Variants in CACNA1I observed in about 807,000 individuals in gnomAD.
CACNA1I encodes calcium voltage-gated channel subunit alpha1 I.
In CACNA1I, 74 loss-of-function variants were observed where a neutral mutation model predicts 201.6. That is an observed-to-expected ratio of 0.37 (90% CI 0.30 to 0.45). The LOEUF is 0.45. CACNA1I is among the 20% of genes least tolerant of loss of function. CACNA1I has a pLI of 1.00. For synonymous variants in CACNA1I, 1,431 were observed against 1,345.2 expected (o/e 1.06, Z -1.40); for missense variants, 2,346 against 3,138.1 (o/e 0.75, Z 6.03).
At chr22:39,664,053 G>C (rs1197438719) in intron 19 of CACNA1I, 38 bp from the exon 20 acceptor site, 2 of 1,602,618 alleles carry the variant, frequency 1.2e-6, no homozygotes, top group Admixed American at 1.7e-5. Context: ...GGCAGCTCTG[G>C]GAGCCCCTGA....
intron 1 of CACNA1I, among the ~76,000 whole-genome samples, chr22:39,578,070 C>T (rs888060665): frequency 2.7e-4 from 41 of 150,954 alleles, no homozygotes; most frequent in African/African-American, 7.5e-4. Context: ...CTGCAATGGG[C>T]GGAGACGCCT....
intron 20 of CACNA1I, 111 bp from the exon 21 acceptor site, chr22:39,664,628 C>CCCCCCAACCCA: frequency 6.8e-6 from 3 of 439,974 alleles, no homozygotes; most frequent in Admixed American, 2.9e-5. Context: ...CCCGCCCCCT[C>CCCCCCAACCCA]CCCGAAGCCG....
chr22:39,646,922 T>C, intron 8 of CACNA1I, 41 bp downstream of exon 8: 1 of 1,452,516 alleles, frequency 6.9e-7, no homozygotes. Flanking sequence ...AGGCACTTCG[T>C]GCCAAGTGTC....
Position 39,659,261 on chromosome 22 carries a change from G to A in CACNA1I, c.2330+145G>A. 1 of 1,115,056 alleles carries A rather than the reference G, an allele frequency of 9.0e-7. No individual in the cohort carries two copies. Among genetic ancestry groups the A allele is most frequent in the Non-Finnish European group, 1.3e-6 (1 of 776,456 alleles). The allele number at this position is 1,115,056 out of a possible 1,614,324, so 69.1% of individuals were successfully genotyped here. A position where few individuals can be genotyped will look rare whatever the true frequency, so the allele number is the denominator to read the frequency against. On this transcript the variant is annotated intron_variant, in intron 12 of 36. Transcript: ENST00000402142. The surrounding 1 kb of genome is among the most constrained non-coding windows in gnomAD (Gnocchi z 4.3). ...TGACACTGTTCCTCAGTCCCCTGTG[G>A]CTTTCAGCAAGCATGAACCCCTAAG...
intron 1 of CACNA1I, among the ~76,000 whole-genome samples, chr22:39,594,496 A>G (rs1387880773): frequency 6.6e-6 from 1 of 152,218 alleles, no homozygotes; most frequent in Non-Finnish European, 1.5e-5. Context: ...GCAGCGACTG[A>G]AATTAATTAC....
At chr22:39,581,732 C>T (rs1932555996) in intron 1 of CACNA1I, among the ~76,000 whole-genome samples, 1 of 152,340 alleles carries the variant, frequency 6.6e-6, no homozygotes, top group South Asian at 2.1e-4. Flanking sequence ...CATTGAGAGA[C>T]AAATAGCCTC....
rs1185538572 is a variant in CACNA1I at position 39,640,975 on chromosome 22, C to T, written c.849C>T (p.Ile283=). ...ATGGGATAATGGGCTGCCATGAGAT[C>T]CCCCCGCTCAAGGAGCAGGGCCGTG... is the stretch of plus-strand genomic sequence containing the variant. The part of the protein sequence containing the change: ...GDNGIMGCHE[I]PPLKEQGREC... Residue 283 remains isoleucine, a synonymous_variant, in exon 6 of 37, where the codon ATC becomes ATT. Coordinates refer to ENST00000402142, the MANE Select transcript of CACNA1I (RefSeq NM_021096.4). 4 of 1,613,956 alleles carry T rather than the reference C, an allele frequency of 2.5e-6. No individual in the cohort carries two copies. The highest frequency in any genetic ancestry group is 2.7e-5 in the African/African-American group (2 of 75,064).
At chr22:39,653,133 G>T (rs136842) in intron 10 of CACNA1I, among the ~76,000 whole-genome samples, 3,693 of 89,454 alleles carry the variant, frequency 0.041, 4 homozygotes, top group Middle Eastern at 0.068. Context: ...GGTGCACGGA[G>T]CCCCCCACAC....
chr22:39,574,699 T>C (rs150658740), intron 1 of CACNA1I, among the ~76,000 whole-genome samples: 3 of 152,290 alleles, frequency 2.0e-5, no homozygotes, highest in Non-Finnish European at 4.4e-5. Flanking sequence ...GTGACTACCA[T>C]AAATGACCTT....
chr22:39,619,898 C>A (rs1933676028), intron 4 of CACNA1I, among the ~76,000 whole-genome samples: 1 of 152,098 alleles, frequency 6.6e-6, no homozygotes, highest in Non-Finnish European at 1.5e-5. Flanking sequence ...TGCCTAGCCA[C>A]CGGTTCATCC....
intron 2 of CACNA1I, among the ~76,000 whole-genome samples, chr22:39,599,146 C>T (rs1414120901): frequency 6.8e-6 from 1 of 147,756 alleles, no homozygotes; most frequent in East Asian, 2.1e-4. Flanking sequence ...GACGGGGTTT[C>T]ACCATGTTAG....
chr22:39,597,860 G>A (rs1416163842), intron 1 of CACNA1I, among the ~76,000 whole-genome samples: 1 of 152,186 alleles, frequency 6.6e-6, no homozygotes, highest in Non-Finnish European at 1.5e-5. Flanking sequence ...CCAGGCTTCC[G>A]GGAACCTCTC....
chr22:39,617,232 G>A (rs1055535480), intron 3 of CACNA1I, among the ~76,000 whole-genome samples: 2 of 152,184 alleles, frequency 1.3e-5, no homozygotes, highest in Admixed American at 6.5e-5. Flanking sequence ...TCATGGGGAC[G>A]GGAACAAGTC....
At chr22:39,625,398 A>G (rs1434994627) in intron 4 of CACNA1I, among the ~76,000 whole-genome samples, 1 of 152,224 alleles carries the variant, frequency 6.6e-6, no homozygotes, top group Non-Finnish European at 1.5e-5. Flanking sequence ...GGAAGATGCA[A>G]GTGTGGGTCA....
In CACNA1I at chr22:39,684,154, A is replaced by G; in HGVS notation, c.5831-148A>G. The G allele has an allele frequency of 3.1e-6, 2 of 647,394 alleles. No homozygotes were observed. The highest frequency in any genetic ancestry group is 1.9e-5 in the South Asian group (1 of 52,288). The allele number at this position is 647,394 out of a possible 1,614,324, so 40.1% of individuals were successfully genotyped here. On this transcript the variant is annotated intron_variant, in intron 35 of 36. Transcript: ENST00000402142. This position sits in a 1 kb window ranked among gnomAD's most constrained non-coding sequence, Gnocchi z 4.6. ...ACAATGGGGAAACGAAGGCTTAGAG[A>G]GGGGGGACTTGTCCACAGTCTCACA...
intron 3 of CACNA1I, among the ~76,000 whole-genome samples, chr22:39,617,861 C>T (rs1933592592): frequency 6.9e-6 from 1 of 144,854 alleles, no homozygotes; most frequent in Non-Finnish European, 1.5e-5. Context: ...TGCTCTCTGC[C>T]AGCTCCCCCC....
chr22:39,646,753 T>A lies in CACNA1I; in HGVS notation c.1334T>A (p.Ile445Asn). The change falls in exon 8 of 37, where the codon ATC becomes AAC. Residue 445 changes from isoleucine (I) to asparagine (N), a missense_variant. By Grantham distance (149) the Ile-to-Asn change is moderately radical. This residue lies in a region of CACNA1I where 312 missense variants were observed against 331.5 expected (regional missense o/e 0.94). Coordinates refer to ENST00000402142, the MANE Select transcript of CACNA1I (RefSeq NM_021096.4). ...GAGATCTTCCAGTATGTCTGCCACA[T>A]CCTGCGCAAGGCCAAGCGCCGCGCC... ...YEEIFQYVCH[I>N]LRKAKRRALG... is the part of the protein sequence containing the mutation. 1 of 1,595,486 alleles carries A rather than the reference T, an allele frequency of 6.3e-7. No homozygotes were observed. Among genetic ancestry groups the A allele is most frequent in the Non-Finnish European group, 8.5e-7 (1 of 1,171,424 alleles).
At chr22:39,573,948 G>A (rs549406312) in intron 1 of CACNA1I, among the ~76,000 whole-genome samples, 1 of 152,294 alleles carries the variant, frequency 6.6e-6, no homozygotes, top group South Asian at 2.1e-4. Context: ...AGTCCCGGGA[G>A]CTGCGCAGAG....
intron 1 of CACNA1I, among the ~76,000 whole-genome samples, chr22:39,578,119 G>A (rs893419516): frequency 6.6e-6 from 1 of 152,130 alleles, no homozygotes; most frequent in African/African-American, 2.4e-5. Flanking sequence ...GCTCCTGGAG[G>A]TGGGAGGGCG....
Sources: allele counts gnomAD v4.1 joint callset (sites outside exome capture counted in the v4.1 genomes callset), GRCh38; gene constraint gnomAD v4.1.1; regional missense constraint gnomAD v4.1.1; non-coding constraint Gnocchi (gnomAD v3.1); transcripts MANE v1.5; gene names NCBI Gene and HGNC (gene_info 2026-07-23, HGNC 2026-07-21).